RPL9: variants seen among roughly 807,000 people sequenced by gnomAD.
The protein encoded by RPL9 is ribosomal protein L9, also known as large ribosomal subunit protein uL6.
For synonymous variants in RPL9, 82 were observed against 77.1 expected (o/e 1.06, Z -0.33); for missense variants, 149 against 236.7 (o/e 0.63, Z 2.43).
chr4:39,458,695 G>C (rs1477734583), intron 1 of RPL9, 196 bp downstream of exon 1: 1 of 626,092 alleles, frequency 1.6e-6, no homozygotes, highest in African/African-American at 1.8e-5. Flanking sequence ...GTGCCATCCC[G>C]GCAAGACTGA....
Position 39,458,198 on chromosome 4 carries a change from T to G in RPL9, c.158A>C (p.Lys53Thr). ...TATCAGAAGAAAAACCCTCACCCTC[T>G]TTTTTTTCTTTCCAAGAAGGCTGAG... ...VELSLLGKKK[K>T]RLRVDKWWGN... Residue 53 changes from lysine (K) to threonine (T), a missense_variant, in exon 3 of 8, where the codon AAG becomes ACG. Coordinates refer to ENST00000295955, the MANE Select transcript of RPL9 (RefSeq NM_000661.5). The G allele has an allele frequency of 1.3e-5, 21 of 1,612,686 alleles. No homozygotes were observed. Among genetic ancestry groups the G allele is most frequent in the Non-Finnish European group, 1.8e-5 (21 of 1,178,834 alleles).
At position 39,456,424 on chromosome 4, in the gene RPL9, T is replaced by G. The variant is rs1206871094; in HGVS notation, c.373A>C (p.Arg125=). The G allele has an allele frequency of 6.2e-7, 1 of 1,614,022 alleles. No individual in the cohort carries two copies. Among genetic ancestry groups the G allele is most frequent in the African/African-American group, 1.3e-5 (1 of 74,918 alleles). Residue 125 remains arginine, a synonymous_variant, in exon 5 of 8, where the codon AGG becomes CGG. Coordinates refer to ENST00000295955, the MANE Select transcript of RPL9 (RefSeq NM_000661.5). Reference sequence around the variant, plus strand: ...CACATACCTGGTCTCATCCGAACCCTGCGGATATATTTTTCACCCAAGAAA... The same window carrying G: ...CACATACCTGGTCTCATCCGAACCCGGCGGATATATTTTTCACCCAAGAAA... ...RNFLGEKYIR[R]VRMRPGVACS...
At position 39,454,291 on chromosome 4, in the gene RPL9, T is replaced by C. The variant is rs909355361; in HGVS notation, c.*11-66A>G. The C allele has an allele frequency of 2.5e-5, 8 of 323,296 alleles. No homozygotes were observed. In the East Asian group the frequency reaches 4.6e-4, roughly 18 times the overall value. 20.0% of individuals were successfully genotyped at this position (323,296 alleles called of 1,614,324 possible). A position where few individuals can be genotyped will look rare whatever the true frequency, so the allele number is the denominator to read the frequency against. On this transcript the variant is annotated intron_variant, in intron 7 of 7. Transcript: ENST00000295955. ...CACTTGCCCAGGAAAGTACTAATCT[T>C]TTTTCTGTACTATTCTAAATAATCT...
At chr4:39,455,024 T>C (rs1744031134) in intron 5 of RPL9, 80 bp from the exon 6 acceptor site, 1 of 1,360,222 alleles carries the variant, frequency 7.4e-7, no homozygotes, top group Non-Finnish European at 1.0e-6. Context: ...ATTTATTCCA[T>C]GTAAAACTCC....
intron 4 of RPL9, 141 bp downstream of exon 4, chr4:39,457,445 T>C (rs921758461): frequency 1.5e-6 from 1 of 668,260 alleles, no homozygotes; most frequent in Non-Finnish European, 2.7e-6. Context: ...GACCCACAGA[T>C]GCCTATTTTT....
intron 7 of RPL9, 88 bp downstream of exon 7, chr4:39,454,445 A>T: frequency 1.0e-6 from 1 of 974,358 alleles, no homozygotes; most frequent in Non-Finnish European, 1.5e-6. Flanking sequence ...ATTTTCTATT[A>T]CTACAAATTC....
chr4:39,458,793 C>T (rs2276889), intron 1 of RPL9, 98 bp downstream of exon 1: 3 of 684,036 alleles, frequency 4.4e-6, no homozygotes, highest in Non-Finnish European at 8.0e-6. Flanking sequence ...GGGGGACAAA[C>T]AGGACAAGGT....
intron 4 of RPL9, 70 bp downstream of exon 4, chr4:39,457,516 T>TACC (rs1553933117): frequency 7.9e-7 from 1 of 1,258,336 alleles, no homozygotes; most frequent in Non-Finnish European, 1.2e-6. Context: ...AAGAGACACT[T>TACC]ACGCTGTATA....
Position 39,455,237 on chromosome 4 carries a change from AC to A in RPL9, c.392-294del, listed in dbSNP as rs1744039419. The A allele has an allele frequency of 1.3e-5, 3 of 239,452 alleles. No individual in the cohort carries two copies. The Admixed American group carries it at 1.6e-4, about 12-fold the overall frequency. 14.8% of individuals were successfully genotyped at this position (239,452 alleles called of 1,614,324 possible). A position where few individuals can be genotyped will look rare whatever the true frequency, so the allele number is the denominator to read the frequency against. On this transcript the variant is annotated intron_variant, in intron 5 of 7. Coordinates refer to ENST00000295955, the MANE Select transcript of RPL9 (RefSeq NM_000661.5). ...GTGGTACGTGCCTATACTCCCAGCT[AC>A]TCAGGAGGCTGAGGCAGGAGAATCG...
At chr4:39,455,660 A>AG (rs1187287744) in intron 5 of RPL9, among the ~76,000 whole-genome samples, 2 of 152,154 alleles carry the variant, frequency 1.3e-5, no homozygotes, top group Non-Finnish European at 2.9e-5. Flanking sequence ...AGTGCCAGCT[A>AG]GTGGGGAGGC....
chr4:39,457,753 T>C, intron 3 of RPL9, 72 bp from the exon 4 acceptor site: 1 of 1,259,002 alleles, frequency 7.9e-7, no homozygotes. Flanking sequence ...ACTTACCGAA[T>C]TACTTTAAGA....
intron 5 of RPL9, 67 bp downstream of exon 5, chr4:39,456,339 G>T: frequency 1.3e-6 from 2 of 1,556,706 alleles, no homozygotes; most frequent in Non-Finnish European, 1.8e-6. Context: ...TGGAAGTTGG[G>T]AGTGGAAAAG....
intron 1 of RPL9, 155 bp from the exon 2 acceptor site, chr4:39,458,595 CAGCCTGGAAGGAGCAGCCCCAA>C: frequency 1.3e-6 from 1 of 741,026 alleles, no homozygotes; most frequent in Non-Finnish European, 2.2e-6. Context: ...CAGTGTGTCC[CAGCCTGGAAGGAGCAGCCCCAA>C]AGCGAGAATT....
intron 5 of RPL9, among the ~76,000 whole-genome samples, chr4:39,455,468 C>T (rs2109854645): frequency 6.8e-6 from 1 of 146,280 alleles, no homozygotes; most frequent in East Asian, 2.2e-4. Flanking sequence ...GGGGGAAGAA[C>T]TGCTTGAGCC....
At chr4:39,456,376 T>C in intron 5 of RPL9, 30 bp downstream of exon 5, 1 of 1,613,668 alleles carries the variant, frequency 6.2e-7, no homozygotes, top group Non-Finnish European at 8.5e-7. Context: ...AGGAAAAATT[T>C]CTTAATTCTG....
chr4:39,457,621 T>C lies in RPL9; in HGVS notation c.223A>G (p.Ser75Gly). 1 of 1,614,174 alleles carries C rather than the reference T, an allele frequency of 6.2e-7. No homozygotes were observed. The highest frequency in any genetic ancestry group is 8.5e-7 in the Non-Finnish European group (1 of 1,179,994). ...CCCTTGATCATGTTCTGTACATGAC[T>C]ACAAATAGTCCGAACGGTAGCCAGT... ...KELATVRTIC[S>G]HVQNMIKGVT... The change falls in exon 4 of 8, where the codon AGT (serine) becomes GGT (glycine). Residue 75 changes from serine (S) to glycine (G), a missense_variant. Ser to Gly is a moderately conservative substitution (Grantham distance 56). Coordinates refer to ENST00000295955, the MANE Select transcript of RPL9 (RefSeq NM_000661.5).
At chr4:39,458,368 T>C in intron 2 of RPL9, 26 bp downstream of exon 2, 2 of 1,613,996 alleles carry the variant, frequency 1.2e-6, no homozygotes, top group Non-Finnish European at 1.7e-6. Flanking sequence ...AGTAAAGATG[T>C]AAGTAAAAGA....
intron 5 of RPL9, chr4:39,455,413 C>T: frequency 7.0e-6 from 1 of 143,582 alleles, no homozygotes; most frequent in Non-Finnish European, 1.5e-5. Flanking sequence ...CCAATGGAAT[C>T]AAAATGCATC....
intron 4 of RPL9, 106 bp from the exon 5 acceptor site, chr4:39,456,644 GC>G: frequency 1.6e-6 from 2 of 1,242,244 alleles, no homozygotes; most frequent in Admixed American, 2.5e-5. Flanking sequence ...AACACTCACT[GC>G]CAAGATTTTC....
Sources: gnomAD v4.1 joint callset for allele counts (sites outside exome capture counted in the v4.1 genomes callset) on GRCh38, gnomAD v4.1.1 for gene constraint, MANE v1.5 for transcripts, NCBI Gene and HGNC (gene_info 2026-07-23, HGNC 2026-07-21) for gene names.